SNRNP40: variants seen among roughly 807,000 people sequenced by gnomAD.
SNRNP40 encodes small nuclear ribonucleoprotein U5 subunit 40.
In SNRNP40, 21 loss-of-function variants were observed where a neutral mutation model predicts 45.8. The ratio of observed to expected loss-of-function variants is 0.46; its 90% CI spans 0.32 to 0.66. The LOEUF is 0.66. Among genes scored for constraint, SNRNP40 ranks in the 30% least tolerant of loss-of-function variants. The probability of loss-of-function intolerance (pLI) is 0.03; values close to 1 mark genes in which losing one functional copy is unlikely to be tolerated. For missense variants in SNRNP40, 344 were observed against 439.1 expected (o/e 0.78, Z 1.94); for synonymous variants, 142 against 163.8 (o/e 0.87, Z 1.01).
chr1:31,277,319 T>C lies in SNRNP40; in HGVS notation c.654+4055A>G, dbSNP rs549889396. ...AGTAAGAGTGACTGAATTTGGATGA[T>C]GAAACTACAGTGACTTATCTATTTT... On this transcript the variant is annotated intron_variant, in intron 5 of 9. Coordinates refer to ENST00000263694, the MANE Select transcript of SNRNP40 (RefSeq NM_004814.3). 2.0e-4 allele frequency among the ~76,000 whole-genome samples: 30 copies of C among 152,380 alleles called. 1 individual carries two copies. In the South Asian group the frequency reaches 5.8e-3, roughly 29 times the overall value.
intron 5 of SNRNP40, among the ~76,000 whole-genome samples, chr1:31,280,996 C>T (rs938358101): frequency 2.0e-5 from 3 of 152,026 alleles, no homozygotes; most frequent in African/African-American, 7.2e-5. Flanking sequence ...TCCATAGTGT[C>T]AAAAAGAAAA....
intron 5 of SNRNP40, among the ~76,000 whole-genome samples, chr1:31,279,004 T>C (rs1168110182): frequency 1.3e-5 from 2 of 151,714 alleles, no homozygotes; most frequent in Middle Eastern, 3.4e-3. Flanking sequence ...ACCAGGTCTA[T>C]GGTACAGAGC....
At chr1:31,287,800 C>A (rs553519911) in intron 4 of SNRNP40, among the ~76,000 whole-genome samples, 2 of 152,256 alleles carry the variant, frequency 1.3e-5, no homozygotes, top group African/African-American at 4.8e-5. Flanking sequence ...GAGTTTGAGA[C>A]CAGCCTGGCC....
Position 31,284,138 on chromosome 1 carries a change from G to A in SNRNP40, c.532-2642C>T, listed in dbSNP as rs182243366. ...CTTGGGAGGCTGAGATGGGAGGATC[G>A]CTTGGGCCAGAGAGGTTGAGGCTGC... On this transcript the variant is annotated intron_variant, in intron 4 of 9. Coordinates refer to ENST00000263694, the MANE Select transcript of SNRNP40 (RefSeq NM_004814.3). Among the ~76,000 whole-genome samples the A allele has an allele frequency of 6.6e-5, 10 of 152,204 alleles. No homozygotes were observed. In the East Asian group the frequency reaches 1.4e-3, roughly 21 times the overall value.
intron 5 of SNRNP40, among the ~76,000 whole-genome samples, chr1:31,275,599 AGGCTGGTCT>A (rs1357344863): frequency 6.6e-6 from 1 of 152,156 alleles, no homozygotes; most frequent in Non-Finnish European, 1.5e-5. Context: ...CACGTTGGCC[AGGCTGGTCT>A]GGAACTCCCG....
chr1:31,285,152 C>A (rs1406410039), intron 4 of SNRNP40, among the ~76,000 whole-genome samples: 1 of 151,902 alleles, frequency 6.6e-6, no homozygotes, highest in Admixed American at 6.6e-5. Flanking sequence ...TTGAAGCAAT[C>A]ATAAATTTAT....
intron 1 of SNRNP40, among the ~76,000 whole-genome samples, chr1:31,295,201 C>A (rs932051731): frequency 5.3e-5 from 8 of 151,420 alleles, no homozygotes; most frequent in African/African-American, 1.7e-4. Context: ...CCTGTCTCTA[C>A]AAAAAAATAC....
intron 3 of SNRNP40, among the ~76,000 whole-genome samples, chr1:31,290,604 G>A (rs1646097694): frequency 6.6e-6 from 1 of 152,256 alleles, no homozygotes; most frequent in African/African-American, 2.4e-5. Flanking sequence ...CTGGCCAGGT[G>A]CGGTGGCTCA....
chr1:31,296,698 C>T lies in SNRNP40; in HGVS notation c.54G>A (p.Lys18=), dbSNP rs1176198200. The T allele has an allele frequency of 6.2e-7, 1 of 1,613,888 alleles. No homozygotes were observed. Among genetic ancestry groups the T allele is most frequent in the Non-Finnish European group, 8.5e-7 (1 of 1,179,872 alleles). ...CCAACAGCAACTCATGCCGCTGCCG[C>T]TTGACTGGAACCAGCGGCAACTCTG... The part of the protein sequence containing the change: ...KGPELPLVPV[K]RQRHELLLGA... Residue 18 remains lysine, a synonymous_variant, in exon 1 of 10, where the codon AAG becomes AAA. Transcript: ENST00000263694.
At chr1:31,288,746 T>C (rs541932986) in intron 4 of SNRNP40, among the ~76,000 whole-genome samples, 1 of 151,872 alleles carries the variant, frequency 6.6e-6, no homozygotes, top group South Asian at 2.1e-4. Flanking sequence ...ACTGTCACAG[T>C]TCTTTTTTTT....
intron 5 of SNRNP40, among the ~76,000 whole-genome samples, chr1:31,276,161 T>C (rs557698546): frequency 6.6e-6 from 1 of 152,200 alleles, no homozygotes; most frequent in African/African-American, 2.4e-5. Flanking sequence ...ATTTAATTAA[T>C]GTAACAATTA....
At chr1:31,288,827 G>C (rs921546295) in intron 4 of SNRNP40, among the ~76,000 whole-genome samples, 1 of 152,098 alleles carries the variant, frequency 6.6e-6, no homozygotes, top group Non-Finnish European at 1.5e-5. Flanking sequence ...CACCTCCCGG[G>C]TGCACACCAT....
At chr1:31,290,223 T>C (rs1250814707) in intron 3 of SNRNP40, among the ~76,000 whole-genome samples, 1 of 151,964 alleles carries the variant, frequency 6.6e-6, no homozygotes, top group Non-Finnish European at 1.5e-5. Context: ...TTTTTTGAGA[T>C]GGAGTCTCAC....
Position 31,269,187 on chromosome 1 carries a change from A to G in SNRNP40, c.829T>C (p.Phe277Leu), listed in dbSNP as rs1464401717. 1.9e-6 allele frequency: 3 copies of G among 1,608,802 alleles called. No homozygotes were observed. Among genetic ancestry groups the G allele is most frequent in the Non-Finnish European group, 2.5e-6 (3 of 1,178,496 alleles). The change falls in exon 7 of 10, where the codon TTT becomes CTT. Residue 277 changes from phenylalanine (F) to leucine (L), a missense_variant. Phe to Leu is a conservative substitution (Grantham distance 22). Transcript: ENST00000263694. Reference sequence around the variant, plus strand: ...TCAAAGTTGTGCACATTTCCTTGAAATATCTTTACACATCTCTCTTTGGGG... The same window carrying G: ...TCAAAGTTGTGCACATTTCCTTGAAGTATCTTTACACATCTCTCTTTGGGG... ...FAPKERCVKI[F>L]QGNVHNFEKN...
At position 31,269,547 on chromosome 1, in the gene SNRNP40, A is replaced by G. The variant is rs183594727; in HGVS notation, c.776-307T>C. Reference sequence around the variant, plus strand: ...TAATTTCAAAAAGATATTTTGCAAGATTTCTCTGCCAGCTTAGTCACATCC... The same window carrying G: ...TAATTTCAAAAAGATATTTTGCAAGGTTTCTCTGCCAGCTTAGTCACATCC... On this transcript the variant is annotated intron_variant, in intron 6 of 9. Coordinates refer to ENST00000263694, the MANE Select transcript of SNRNP40 (RefSeq NM_004814.3). 3.5e-5 allele frequency: 17 copies of G among 491,722 alleles called. No individual in the cohort carries two copies. In the Admixed American group the frequency reaches 3.7e-4, roughly 11 times the overall value. The allele number at this position is 491,722 out of a possible 1,614,324, so 30.5% of individuals were successfully genotyped here. A position where few individuals can be genotyped will look rare whatever the true frequency, so the allele number is the denominator to read the frequency against.
chr1:31,269,232 A>G lies in SNRNP40; in HGVS notation c.784T>C (p.Trp262Arg), dbSNP rs376244752. 6.2e-7 allele frequency: 1 copy of G among 1,612,980 alleles called. No individual in the cohort carries two copies. Among genetic ancestry groups the G allele is most frequent in the Non-Finnish European group, 8.5e-7 (1 of 1,179,642 alleles). ...TTGGGGGCAAATGGCCGGACATCCC[A>G]GACACGAACTGCAAAACAAATCCAA... ...SNAMDNTVRV[W>R]DVRPFAPKER... The change falls in exon 7 of 10, where the codon TGG becomes CGG. Residue 262 changes from tryptophan to arginine, a missense_variant. Coordinates refer to ENST00000263694, the MANE Select transcript of SNRNP40 (RefSeq NM_004814.3).
chr1:31,268,703 A>C (rs924072269), intron 7 of SNRNP40, among the ~76,000 whole-genome samples: 5 of 152,230 alleles, frequency 3.3e-5, no homozygotes, highest in Admixed American at 2.0e-4. Flanking sequence ...GGCTTTGAAA[A>C]AAATTTTCTC....
intron 8 of SNRNP40, among the ~76,000 whole-genome samples, chr1:31,264,839 T>C (rs565391227): frequency 6.6e-6 from 1 of 152,200 alleles, no homozygotes; most frequent in African/African-American, 2.4e-5. Flanking sequence ...GAAAAGGAGT[T>C]TTCTGAGGAT....
chr1:31,295,853 T>C (rs970696856), intron 1 of SNRNP40, among the ~76,000 whole-genome samples: 4 of 152,216 alleles, frequency 2.6e-5, no homozygotes, highest in Non-Finnish European at 4.4e-5. Flanking sequence ...ATGGTAGAAG[T>C]AGCAATTCTA....
Sources: allele counts gnomAD v4.1 joint callset (sites outside exome capture counted in the v4.1 genomes callset), GRCh38; gene constraint gnomAD v4.1.1; transcripts MANE v1.5; gene names NCBI Gene and HGNC (gene_info 2026-07-23, HGNC 2026-07-21).